The following MUSK variants were observed in gnomAD, a reference collection of about 807,000 sequenced individuals.
MUSK encodes muscle associated receptor tyrosine kinase.
Under a neutral mutation model 88.7 loss-of-function variants are expected in MUSK, and 55 were observed. The ratio of observed to expected loss-of-function variants is 0.62; its 90% CI spans 0.50 to 0.78. The LOEUF (loss-of-function observed/expected upper bound fraction) is 0.78, where lower values mean the gene tolerates loss of function less well. MUSK is among the 30% of genes least tolerant of loss of function. MUSK has a pLI of 0.00. For missense variants in MUSK, 1,015 were observed against 1,074.3 expected, an observed-to-expected ratio of 0.94 and a Z score of 0.77; for synonymous variants, 387 against 391.9, an observed-to-expected ratio of 0.99 and a Z score of 0.15.
intron 3 of MUSK, among the ~76,000 whole-genome samples, chr9:110,690,811 T>G (rs1457729229): frequency 8.4e-6 from 1 of 119,526 alleles, no homozygotes; most frequent in African/African-American, 3.5e-5. Context: ...TATATTTAAA[T>G]ATAAGTATAT....
At chr9:110,760,962 C>T (rs1165154358) in intron 7 of MUSK, among the ~76,000 whole-genome samples, 1 of 152,088 alleles carries the variant, frequency 6.6e-6, no homozygotes, top group South Asian at 2.1e-4. Context: ...ACCTTCAAAA[C>T]GGAGTTAGAC....
At chr9:110,783,089 T>C (rs1436128954) in intron 11 of MUSK, among the ~76,000 whole-genome samples, 4 of 152,320 alleles carry the variant, frequency 2.6e-5, no homozygotes, top group African/African-American at 7.2e-5. Flanking sequence ...TTTAGGCATC[T>C]ACTGCCATAA....
At chr9:110,706,363 T>C (rs527411815) in intron 5 of MUSK, among the ~76,000 whole-genome samples, 9 of 152,246 alleles carry the variant, frequency 5.9e-5, no homozygotes, top group Non-Finnish European at 1.0e-4. Flanking sequence ...TAGGTTGAAA[T>C]AGAGACTAAG....
chr9:110,762,567 A>G (rs896606772), intron 8 of MUSK, among the ~76,000 whole-genome samples: 3 of 149,620 alleles, frequency 2.0e-5, no homozygotes, highest in Admixed American at 6.7e-5. Context: ...TATTTTGCAG[A>G]AAAAAAAAAT....
At chr9:110,760,358 C>T (rs1043100703) in intron 7 of MUSK, among the ~76,000 whole-genome samples, 1 of 152,176 alleles carries the variant, frequency 6.6e-6, no homozygotes, top group African/African-American at 2.4e-5. Flanking sequence ...GGCACATATA[C>T]ACCATGGAAT....
intron 6 of MUSK, among the ~76,000 whole-genome samples, chr9:110,744,360 T>C (rs180985384): frequency 6.6e-6 from 1 of 152,282 alleles, no homozygotes; most frequent in Non-Finnish European, 1.5e-5. Flanking sequence ...CTTTCAGAGG[T>C]CTTCCCTAGC....
chr9:110,788,614 A>G (rs530032), intron 14 of MUSK, among the ~76,000 whole-genome samples: 17,214 of 151,516 alleles, frequency 0.11, 1,866 homozygotes, highest in African/African-American at 0.28. Context: ...CCTGGGTGAC[A>G]GAGTGAGATT....
chr9:110,757,000 G>A (rs1177449830), intron 7 of MUSK, among the ~76,000 whole-genome samples: 1 of 152,122 alleles, frequency 6.6e-6, no homozygotes, highest in African/African-American at 2.4e-5. Context: ...CATGCTGTGA[G>A]TAGTTGAAAT....
At chr9:110,722,394 G>T (rs897785449) in intron 5 of MUSK, among the ~76,000 whole-genome samples, 1 of 152,002 alleles carries the variant, frequency 6.6e-6, no homozygotes, top group Non-Finnish European at 1.5e-5. Flanking sequence ...GCTGGGTGTG[G>T]TGGTACGTGC....
At chr9:110,701,294 T>C (rs2076497145) in intron 5 of MUSK, among the ~76,000 whole-genome samples, 1 of 152,158 alleles carries the variant, frequency 6.6e-6, no homozygotes, top group Non-Finnish European at 1.5e-5. Flanking sequence ...TGTACAGGTG[T>C]AAGTTCAGAA....
At position 110,791,043 on chromosome 9, in the gene MUSK, G is replaced by A. The variant is rs1000104614; in HGVS notation, c.1927+3205G>A. ...GCTGTTTAAGGAAGGAAGACAAAAC[G>A]TGAAGAAAGTAGGGATCATTAAAAG... is the stretch of plus-strand genomic sequence containing the variant. On this transcript the variant is annotated intron_variant, in intron 14 of 14. Transcript: ENST00000374448. Among the ~76,000 whole-genome samples the A allele has an allele frequency of 3.3e-5, 5 of 152,130 alleles. No individual in the cohort carries two copies. In the East Asian group the frequency reaches 9.7e-4, roughly 29 times the overall value.
chr9:110,677,725 T>G (rs2076049758), intron 1 of MUSK, among the ~76,000 whole-genome samples: 1 of 152,178 alleles, frequency 6.6e-6, no homozygotes, highest in African/African-American at 2.4e-5. Flanking sequence ...AGTTTTTTTT[T>G]ATTCCTAGTT....
At position 110,801,051 on chromosome 9, in the gene MUSK, C is replaced by A; in HGVS notation, c.*63C>A. Reference sequence around the variant, plus strand: ...TCAGACTCTGTGAGCCAGGGGAATCCTACACCAGAGGCCCAACAAGACCCA... The same window carrying A: ...TCAGACTCTGTGAGCCAGGGGAATCATACACCAGAGGCCCAACAAGACCCA... On this transcript the variant is annotated 3_prime_UTR_variant, in exon 15 of 15. Transcript: ENST00000374448. 7.2e-7 allele frequency: 1 copy of A among 1,388,222 alleles called. No homozygotes were observed. Among genetic ancestry groups the A allele is most frequent in the Non-Finnish European group, 9.5e-7 (1 of 1,054,268 alleles). The allele number at this position is 1,388,222 out of a possible 1,614,324, so 86.0% of individuals were successfully genotyped here.
At chr9:110,728,800 C>A in intron 5 of MUSK, 1 of 1,054,012 alleles carries the variant, frequency 9.5e-7, no homozygotes, top group Non-Finnish European at 1.3e-6. Context: ...TTATAAACAG[C>A]TCTAAGTGCC....
intron 5 of MUSK, among the ~76,000 whole-genome samples, chr9:110,726,446 A>G (rs7039815): frequency 0.013 from 1,928 of 152,280 alleles, 31 homozygotes; most frequent in African/African-American, 0.044. Context: ...GAGTTCAAGT[A>G]TAGTCCTGTA....
intron 5 of MUSK, among the ~76,000 whole-genome samples, chr9:110,723,534 G>A (rs1188487979): frequency 1.3e-5 from 2 of 151,992 alleles, no homozygotes; most frequent in Non-Finnish European, 2.9e-5. Flanking sequence ...ACCCTGCTCA[G>A]GTGATGGGTG....
At position 110,760,593 on chromosome 9, in the gene MUSK, G is replaced by GA. The variant is rs111538581; in HGVS notation, c.914-1598dup. ...AGGGTTGGAGAAAGGAGAGGATTAG[G>GA]AAAAAAAAAAATAGAACAACTTTCG... is the stretch of plus-strand genomic sequence containing the variant. On this transcript the variant is annotated intron_variant, in intron 7 of 14. Coordinates refer to ENST00000374448, the MANE Select transcript of MUSK (RefSeq NM_005592.4). 5.5e-3 allele frequency among the ~76,000 whole-genome samples: 796 copies of GA among 145,292 alleles called. 3 individuals are homozygous for GA. Among genetic ancestry groups the GA allele is most frequent in the Non-Finnish European group, 5.9e-3 (389 of 65,866 alleles).
chr9:110,674,347 A>T (rs1291959873), intron 1 of MUSK, among the ~76,000 whole-genome samples: 1 of 152,194 alleles, frequency 6.6e-6, no homozygotes, highest in African/African-American at 2.4e-5. Context: ...AATATATTTG[A>T]TTATAAATGT....
At chr9:110,689,701 A>G (rs911701044) in intron 3 of MUSK, among the ~76,000 whole-genome samples, 1 of 48,036 alleles carries the variant, frequency 2.1e-5, no homozygotes, top group African/African-American at 1.5e-4. Context: ...AGTTATATAT[A>G]AATATATAAC....
Sources: gnomAD v4.1 joint callset for allele counts (sites outside exome capture counted in the v4.1 genomes callset) on GRCh38, gnomAD v4.1.1 for gene constraint, MANE v1.5 for transcripts, NCBI Gene and HGNC (gene_info 2026-07-23, HGNC 2026-07-21) for gene names.